Variants in SHISAL1 observed in about 807,000 individuals in gnomAD.
The protein encoded by SHISAL1 is protein shisa-like-1.
A neutral mutation model predicts 22.6 loss-of-function variants in SHISAL1; 9 were observed. That is an observed-to-expected ratio of 0.40 (90% CI 0.24 to 0.70). SHISAL1 has a LOEUF of 0.70. SHISAL1 is among the 30% of genes least tolerant of loss of function. SHISAL1 has a pLI of 0.39. For missense variants in SHISAL1, 246 were observed against 270.6 expected (o/e 0.91, Z 0.64); for synonymous variants, 119 against 115.4 (o/e 1.03, Z -0.20).
At position 44,291,028 on chromosome 22, in the gene SHISAL1, C is replaced by G. The variant is rs115638993; in HGVS notation, c.282-5283G>C. Among the ~76,000 whole-genome samples the G allele has an allele frequency of 5.5e-3, 831 of 152,314 alleles. 9 individuals are homozygous for G. Among genetic ancestry groups the G allele is most frequent in the African/African-American group, 0.019 (789 of 41,568 alleles). ...GGTGTTCCCAATAGGGTCAATCCCT[C>G]TGTCTCTCCTCACTCCACTGGTAAC... On this transcript the variant is annotated intron_variant, in intron 3 of 4. Coordinates refer to ENST00000381176, the MANE Select transcript of SHISAL1 (RefSeq NM_001099294.2).
intron 2 of SHISAL1, 83 bp downstream of exon 2, chr22:44,300,796 C>T (rs1320006770): frequency 5.8e-6 from 7 of 1,212,564 alleles, no homozygotes; most frequent in Non-Finnish European, 8.5e-6. Context: ...GCCCCCAGAA[C>T]CCCAGATGGG....
intron 1 of SHISAL1, among the ~76,000 whole-genome samples, chr22:44,305,691 G>C (rs973812720): frequency 6.6e-6 from 1 of 152,236 alleles, no homozygotes; most frequent in African/African-American, 2.4e-5. Flanking sequence ...ACAGCACGCT[G>C]TGGTTGCGCT....
At chr22:44,326,334 G>GGAGA in the SHISAL1 span, among the ~76,000 whole-genome samples, 3 of 152,248 alleles carry the variant, frequency 2.0e-5, no homozygotes, top group Admixed American at 2.0e-4. Context: ...TCGGAATCTG[G>GGAGA]CACGGGAGAC....
At chr22:44,292,703 C>T (rs2055360962) in intron 3 of SHISAL1, among the ~76,000 whole-genome samples, 1 of 152,160 alleles carries the variant, frequency 6.6e-6, no homozygotes, top group South Asian at 2.1e-4. Context: ...GGCTCATCCT[C>T]AAGTCGTCGT....
chr22:44,291,254 A>G (rs1339575564), intron 3 of SHISAL1, among the ~76,000 whole-genome samples: 1 of 152,220 alleles, frequency 6.6e-6, no homozygotes, highest in Non-Finnish European at 1.5e-5. Context: ...AAAGAGCCCA[A>G]GAAGGACCCA....
the SHISAL1 span, among the ~76,000 whole-genome samples, chr22:44,323,551 TCCATCCATCCA>T: frequency 1.5e-5 from 2 of 134,804 alleles, no homozygotes; most frequent in East Asian, 2.7e-4. Flanking sequence ...CATTCATCCA[TCCATCCATCCA>T]CCATCCATCC....
At chr22:44,254,122 A>T (rs1403827406) in intron 4 of SHISAL1, among the ~76,000 whole-genome samples, 1 of 152,172 alleles carries the variant, frequency 6.6e-6, no homozygotes, top group Non-Finnish European at 1.5e-5. Context: ...CAAAATATAT[A>T]TTTAAGGACC....
intron 1 of SHISAL1, among the ~76,000 whole-genome samples, chr22:44,304,317 T>C (rs9614433): frequency 0.93 from 141,604 of 152,330 alleles, 65,857 homozygotes; most frequent in East Asian, 1. Context: ...AAACGCACAG[T>C]GCTCATGGCC....
At position 44,285,749 on chromosome 22, in the gene SHISAL1, C is replaced by G. The variant is rs766562966; in HGVS notation, c.282-4G>C. 5.6e-6 allele frequency: 9 copies of G among 1,605,820 alleles called. No homozygotes were observed. The highest frequency in any genetic ancestry group is 1.7e-5 in the Admixed American group (1 of 59,746). On this transcript the variant is annotated splice_region_variant and splice_polypyrimidine_tract_variant and intron_variant, in intron 3 of 4. Transcript: ENST00000381176. ...TCCCAACAAGGCGGTGTAATTGCTG[C>G]GAACAAACAGAGAGGGAGTGAGCAA...
At chr22:44,249,975 A>ATC (rs2055035875) in intron 4 of SHISAL1, among the ~76,000 whole-genome samples, 1 of 152,246 alleles carries the variant, frequency 6.6e-6, no homozygotes, top group Non-Finnish European at 1.5e-5. Flanking sequence ...TGGATAACTT[A>ATC]CATAGAAAAT....
intron 3 of SHISAL1, among the ~76,000 whole-genome samples, chr22:44,294,104 G>T (rs187314570): frequency 1.3e-5 from 2 of 152,352 alleles, no homozygotes; most frequent in East Asian, 1.9e-4. Flanking sequence ...CCTCACCCAA[G>T]TCCTGGCACT....
chr22:44,259,469 T>A (rs2055107377), intron 4 of SHISAL1, among the ~76,000 whole-genome samples: 1 of 116,626 alleles, frequency 8.6e-6, no homozygotes, highest in Admixed American at 8.7e-5. Flanking sequence ...AAAATAAAAA[T>A]TATTAAAAAA....
chr22:44,309,577 G>A (rs547327137), intron 1 of SHISAL1, among the ~76,000 whole-genome samples: 5 of 152,274 alleles, frequency 3.3e-5, no homozygotes, highest in South Asian at 2.1e-4. Flanking sequence ...TGTGGGGCTC[G>A]GAGAGGGGAC....
At chr22:44,269,655 C>G (rs1390124957) in intron 4 of SHISAL1, among the ~76,000 whole-genome samples, 2 of 151,280 alleles carry the variant, frequency 1.3e-5, no homozygotes, top group Non-Finnish European at 2.9e-5. Flanking sequence ...AACACACACA[C>G]AATGTCACAT....
chr22:44,259,072 A>G (rs1230953461), intron 4 of SHISAL1, among the ~76,000 whole-genome samples: 1 of 152,182 alleles, frequency 6.6e-6, no homozygotes, highest in Non-Finnish European at 1.5e-5. Flanking sequence ...AAGGCTCGTG[A>G]AAAAGGGAAG....
chr22:44,288,701 G>C (rs1428040650), intron 3 of SHISAL1, among the ~76,000 whole-genome samples: 1 of 151,480 alleles, frequency 6.6e-6, no homozygotes, highest in Non-Finnish European at 1.5e-5. Context: ...CTCTTGCCTG[G>C]AGGCCTTTGT....
At chr22:44,312,014 C>T (rs946672115) in intron 1 of SHISAL1, among the ~76,000 whole-genome samples, 1 of 152,102 alleles carries the variant, frequency 6.6e-6, no homozygotes, top group South Asian at 2.1e-4. Flanking sequence ...ACAGGCATGG[C>T]GCTCGCCTCG....
the SHISAL1 span, among the ~76,000 whole-genome samples, chr22:44,328,934 C>T: frequency 1.3e-5 from 2 of 152,214 alleles, no homozygotes; most frequent in Admixed American, 1.3e-4. Flanking sequence ...GTCTGCATCT[C>T]TGCCCACAGA....
the SHISAL1 span, among the ~76,000 whole-genome samples, chr22:44,330,099 C>A: frequency 2.1e-4 from 32 of 152,238 alleles, no homozygotes; most frequent in African/African-American, 7.7e-4. Context: ...ATGCCCAGAG[C>A]AGGGCCCTCA....
Sources: allele counts gnomAD v4.1 joint callset (sites outside exome capture counted in the v4.1 genomes callset), GRCh38; gene constraint gnomAD v4.1.1; transcripts MANE v1.5; gene names NCBI Gene and HGNC (gene_info 2026-07-23, HGNC 2026-07-21).